BAZ2B: variants seen among roughly 807,000 people sequenced by gnomAD.
The protein encoded by BAZ2B is bromodomain adjacent to zinc finger domain protein 2B.
BAZ2B carries 91 observed loss-of-function variants against 246.0 expected under a neutral mutation model. That is an observed-to-expected ratio of 0.37 (90% confidence interval 0.31 to 0.44). BAZ2B has a LOEUF of 0.44. Among genes scored for constraint, BAZ2B ranks in the 20% least tolerant of loss-of-function variants. The probability of loss-of-function intolerance (pLI) is 1.00; values close to 1 mark genes in which losing one functional copy is unlikely to be tolerated. For synonymous variants in BAZ2B, 855 were observed against 860.0 expected (o/e 0.99, Z 0.10); for missense variants, 2,332 against 2,533.7 (o/e 0.92, Z 1.71).
the BAZ2B span, among the ~76,000 whole-genome samples, chr2:159,623,955 T>C: frequency 6.6e-6 from 1 of 152,218 alleles, no homozygotes; most frequent in African/African-American, 2.4e-5. Flanking sequence ...CTTGAAATTC[T>C]TGGTGCCAGC....
At chr2:159,678,347 T>C in the BAZ2B span, among the ~76,000 whole-genome samples, 9,647 of 152,266 alleles carry the variant, frequency 0.063, 398 homozygotes, top group Middle Eastern at 0.14. Context: ...TTATACTTTT[T>C]CCATTACAAA....
intron 3 of BAZ2B, chr2:159,463,755 A>C (rs2076698190): frequency 6.6e-6 from 1 of 152,012 alleles, no homozygotes; most frequent in Non-Finnish European, 1.5e-5. Flanking sequence ...CCCAGGCTGG[A>C]GTGTAATGGT....
chr2:159,692,805 T>C, the BAZ2B span, among the ~76,000 whole-genome samples: 1 of 152,218 alleles, frequency 6.6e-6, no homozygotes, highest in South Asian at 2.1e-4. Context: ...TATTTTATTT[T>C]AGAGACAGAG....
intron 21 of BAZ2B, among the ~76,000 whole-genome samples, chr2:159,388,403 T>G (rs563958655): frequency 1.3e-5 from 2 of 152,258 alleles, no homozygotes; most frequent in East Asian, 3.9e-4. Context: ...TCAGCAACAT[T>G]ACATGTCTGT....
At chr2:159,377,320 A>T (rs1477148798) in intron 25 of BAZ2B, among the ~76,000 whole-genome samples, 1 of 152,210 alleles carries the variant, frequency 6.6e-6, no homozygotes, top group Non-Finnish European at 1.5e-5. Context: ...TTACTTACAT[A>T]GGAAATTGAT....
intron 27 of BAZ2B, among the ~76,000 whole-genome samples, chr2:159,364,570 A>C (rs1444332708): frequency 6.6e-6 from 1 of 152,298 alleles, no homozygotes; most frequent in East Asian, 1.9e-4. Context: ...GGGTTCCACC[A>C]TGTTACCCAG....
At chr2:159,358,226 A>G (rs374391756) in intron 27 of BAZ2B, among the ~76,000 whole-genome samples, 3 of 152,230 alleles carry the variant, frequency 2.0e-5, no homozygotes, top group Non-Finnish European at 4.4e-5. Flanking sequence ...TGCATCTCAC[A>G]TGCAAAGACA....
At chr2:159,681,479 T>C in the BAZ2B span, among the ~76,000 whole-genome samples, 7 of 150,268 alleles carry the variant, frequency 4.7e-5, no homozygotes, top group Non-Finnish European at 1.0e-4. Flanking sequence ...CAAATCAACA[T>C]CTTAGACAAG....
rs2058541256 is a variant in BAZ2B at position 159,351,326 on chromosome 2, G to A, written c.4214-969C>T. Among the ~76,000 whole-genome samples, 3 of 151,996 alleles carry A rather than the reference G, an allele frequency of 2.0e-5. No individual in the cohort carries two copies. In the South Asian group the frequency reaches 6.2e-4, roughly 32 times the overall value. On this transcript the variant is annotated intron_variant, in intron 27 of 36. Coordinates refer to ENST00000392783, the MANE Select transcript of BAZ2B (RefSeq NM_013450.4). Reference sequence around the variant, plus strand: ...TATAACTTCATCATAAATTTTAATGGCAACAGAATGAACTATATCATAACT... The same window carrying A: ...TATAACTTCATCATAAATTTTAATGACAACAGAATGAACTATATCATAACT...
chr2:159,389,394 G>A lies in BAZ2B; in HGVS notation c.3167C>T (p.Ala1056Val). The change falls in exon 21 of 37, where the codon GCA (alanine) becomes GTA (valine). Residue 1056 changes from alanine to valine, a missense_variant. Coordinates refer to ENST00000392783, the MANE Select transcript of BAZ2B (RefSeq NM_013450.4). ...TTCATTAGGCTTCTTTAGTTCCTTT[G>A]CCATTTCTAATTCTAATCTTCGCTG... Reference protein sequence around the residue: ...LEQRRLELEMAKELKKPNEDM... With the variant: ...LEQRRLELEMVKELKKPNEDM... 1 of 1,611,726 alleles carries A rather than the reference G, an allele frequency of 6.2e-7. No homozygotes were observed. Among genetic ancestry groups the A allele is most frequent in the South Asian group, 1.1e-5 (1 of 90,744 alleles).
At chr2:159,565,528 C>T (rs2151525178) in intron 1 of BAZ2B, among the ~76,000 whole-genome samples, 1 of 152,224 alleles carries the variant, frequency 6.6e-6, no homozygotes, top group East Asian at 1.9e-4. Flanking sequence ...CCTGTAATCC[C>T]AGCACTTTGG....
At chr2:159,704,030 C>A in the BAZ2B span, among the ~76,000 whole-genome samples, 3 of 152,052 alleles carry the variant, frequency 2.0e-5, no homozygotes, top group Non-Finnish European at 4.4e-5. Context: ...ATTCCCATAC[C>A]ATTTTATGAT....
chr2:159,631,174 C>A, the BAZ2B span, among the ~76,000 whole-genome samples: 1 of 151,368 alleles, frequency 6.6e-6, no homozygotes, highest in Non-Finnish European at 1.5e-5. Flanking sequence ...CCAGCCTGGG[C>A]AACAAAGCAA....
chr2:159,609,427 A>G (rs1694229708), intron 1 of BAZ2B, among the ~76,000 whole-genome samples: 2 of 152,204 alleles, frequency 1.3e-5, no homozygotes, highest in African/African-American at 2.4e-5. Flanking sequence ...ACTTTTCTAC[A>G]TATTAGATGA....
intron 3 of BAZ2B, among the ~76,000 whole-genome samples, chr2:159,457,383 A>G (rs918198688): frequency 3.9e-5 from 6 of 152,380 alleles, no homozygotes; most frequent in East Asian, 1.9e-4. Flanking sequence ...TGTCTAGTAC[A>G]TAACGGACAT....
At chr2:159,694,185 T>A in the BAZ2B span, 1 of 151,972 alleles carries the variant, frequency 6.6e-6, no homozygotes, top group Non-Finnish European at 1.5e-5. Flanking sequence ...GACCAAGGGG[T>A]GACCATGTGA....
At chr2:159,439,618 C>T (rs962511202) in intron 6 of BAZ2B, among the ~76,000 whole-genome samples, 10 of 152,152 alleles carry the variant, frequency 6.6e-5, no homozygotes, top group Non-Finnish European at 1.5e-4. Flanking sequence ...CAAACATTTA[C>T]CTATAACATG....
In BAZ2B at chr2:159,400,648, A is replaced by T; in HGVS notation, c.2849T>A (p.Ile950Lys). 6.4e-7 allele frequency: 1 copy of T among 1,570,898 alleles called. No individual in the cohort carries two copies. The highest frequency in any genetic ancestry group is 8.7e-7 in the Non-Finnish European group (1 of 1,147,824). ...IMKQQEKIKRIQQIRMEKELR... is the reference protein window; with the variant it reads ...IMKQQEKIKRKQQIRMEKELR... ...TTCTTTTTCCATTCTGATTTGCTGT[A>T]TTCTCTTAATTTTTTCCTGTAGGAA... Residue 950 changes from isoleucine (I) to lysine (K), a missense_variant, in exon 17 of 37, where the codon ATA (isoleucine) becomes AAA (lysine). Physicochemically the swap from Ile to Lys is moderately radical, Grantham distance 102. This residue lies in a region of BAZ2B where 651 missense variants were observed against 650.9 expected (regional missense o/e 1.00). Transcript: ENST00000392783.
At position 159,433,359 on chromosome 2, in the gene BAZ2B, T is replaced by C. The variant is rs2071497236; in HGVS notation, c.1298A>G (p.Gln433Arg). 1 of 1,597,248 alleles carries C rather than the reference T, an allele frequency of 6.3e-7. No individual in the cohort carries two copies. The highest frequency in any genetic ancestry group is 1.4e-5 in the African/African-American group (1 of 73,970). The change falls in exon 9 of 37, where the codon CAA (glutamine) becomes CGA (arginine). Residue 433 changes from glutamine to arginine, a missense_variant. By Grantham distance (43) the Gln-to-Arg change is conservative. This residue lies in a region of BAZ2B where 651 missense variants were observed against 650.9 expected (regional missense o/e 1.00). Coordinates refer to ENST00000392783, the MANE Select transcript of BAZ2B (RefSeq NM_013450.4). The stretch of plus-strand genomic sequence containing the variant: ...CTGTGATGGGAATGCCTGTTTATAT[T>C]GTTCCTGTTGAAACATAAGTTAAAA... ...LTSELRSKRE[Q>R]YKQAFPSQLK...
Sources: gnomAD v4.1 joint callset for allele counts (sites outside exome capture counted in the v4.1 genomes callset) on GRCh38, gnomAD v4.1.1 for gene constraint, gnomAD v4.1.1 regional missense constraint, MANE v1.5 for transcripts, NCBI Gene and HGNC (gene_info 2026-07-23, HGNC 2026-07-21) for gene names.